The following ST6GALNAC3 variants were observed in gnomAD, a reference collection of about 807,000 sequenced individuals.
ST6GALNAC3 encodes alpha-N-acetylgalactosaminide alpha-2,6-sialyltransferase 3.
A neutral mutation model predicts 32.7 loss-of-function variants in ST6GALNAC3; 25 were observed. That is an observed-to-expected ratio of 0.76 (90% CI 0.56 to 1.07). The LOEUF (loss-of-function observed/expected upper bound fraction) is 1.07. ST6GALNAC3 is among the 50% of genes least tolerant of loss of function. The probability of loss-of-function intolerance (pLI) is 0.00; values close to 1 mark genes in which losing one functional copy is unlikely to be tolerated. For missense variants in ST6GALNAC3, 355 were observed against 382.4 expected, an observed-to-expected ratio of 0.93 and a Z score of 0.60; for synonymous variants, 129 against 133.1, an observed-to-expected ratio of 0.97 and a Z score of 0.21.
At chr1:76,164,533 G>A (rs937744815) in intron 1 of ST6GALNAC3, among the ~76,000 whole-genome samples, 6 of 152,168 alleles carry the variant, frequency 3.9e-5, no homozygotes, top group South Asian at 4.1e-4. Context: ...TTAAGGGCAT[G>A]TATGTTTGTC....
At chr1:76,134,973 T>A (rs1570127042) in intron 1 of ST6GALNAC3, among the ~76,000 whole-genome samples, 1 of 152,218 alleles carries the variant, frequency 6.6e-6, no homozygotes, top group South Asian at 2.1e-4. Flanking sequence ...TAAAACCCTA[T>A]CTCTACTAAA....
intron 1 of ST6GALNAC3, among the ~76,000 whole-genome samples, chr1:76,180,657 A>T (rs919109180): frequency 3.9e-5 from 6 of 152,186 alleles, no homozygotes; most frequent in Non-Finnish European, 5.9e-5. Context: ...AAATGGCAGA[A>T]TGTTGCAGCA....
At chr1:76,177,067 G>C (rs996805872) in intron 1 of ST6GALNAC3, among the ~76,000 whole-genome samples, 10 of 152,068 alleles carry the variant, frequency 6.6e-5, no homozygotes, top group African/African-American at 2.4e-4. Flanking sequence ...AGAGTAAGAC[G>C]TTGTCTATTA....
chr1:76,091,480 A>G (rs909521385), intron 1 of ST6GALNAC3, among the ~76,000 whole-genome samples: 10 of 152,212 alleles, frequency 6.6e-5, no homozygotes, highest in African/African-American at 2.4e-4. Context: ...ATGTGGCTCC[A>G]TATTTTTGCC....
At chr1:76,141,700 A>G (rs1450538571) in intron 1 of ST6GALNAC3, among the ~76,000 whole-genome samples, 2 of 152,228 alleles carry the variant, frequency 1.3e-5, no homozygotes, top group Non-Finnish European at 2.9e-5. Context: ...GGGAAATAAC[A>G]CATACATCCC....
chr1:76,415,570 C>T (rs1211850351), intron 3 of ST6GALNAC3, among the ~76,000 whole-genome samples: 1 of 151,912 alleles, frequency 6.6e-6, no homozygotes, highest in Non-Finnish European at 1.5e-5. Context: ...TCAGATTGCC[C>T]TATTTTGGCC....
chr1:76,479,925 TA>T (rs1209527112), intron 3 of ST6GALNAC3, among the ~76,000 whole-genome samples: 1 of 151,926 alleles, frequency 6.6e-6, no homozygotes, highest in Non-Finnish European at 1.5e-5. Context: ...AACAAAAAAA[TA>T]AAAAGCAAAT....
chr1:76,407,528 T>C (rs1294140234), intron 2 of ST6GALNAC3, among the ~76,000 whole-genome samples: 1 of 152,052 alleles, frequency 6.6e-6, no homozygotes, highest in Non-Finnish European at 1.5e-5. Context: ...AACAAGGACA[T>C]AGGGACCCAG....
chr1:76,106,463 C>T (rs370314527), intron 1 of ST6GALNAC3, among the ~76,000 whole-genome samples: 6 of 152,146 alleles, frequency 3.9e-5, no homozygotes, highest in African/African-American at 1.4e-4. Context: ...ACTTTGAGCT[C>T]GCTGAGGCAG....
chr1:76,077,429 ATGT>A (rs1646832207), intron 1 of ST6GALNAC3, among the ~76,000 whole-genome samples: 1 of 152,212 alleles, frequency 6.6e-6, no homozygotes, highest in Non-Finnish European at 1.5e-5. Context: ...ATTTTATTTG[ATGT>A]TAATGTTTTT....
chr1:76,473,123 G>T (rs1659140795), intron 3 of ST6GALNAC3, among the ~76,000 whole-genome samples: 1 of 152,082 alleles, frequency 6.6e-6, no homozygotes, highest in African/African-American at 2.4e-5. Flanking sequence ...GTAGAGAGTT[G>T]AAAGGATTGA....
At chr1:76,501,272 C>T (rs1351032889) in intron 3 of ST6GALNAC3, among the ~76,000 whole-genome samples, 2 of 152,192 alleles carry the variant, frequency 1.3e-5, no homozygotes, top group African/African-American at 4.8e-5. Flanking sequence ...CAGCCCCTTT[C>T]CTGTCCATTC....
intron 1 of ST6GALNAC3, among the ~76,000 whole-genome samples, chr1:76,110,065 A>G (rs1262463630): frequency 6.6e-6 from 1 of 152,228 alleles, no homozygotes; most frequent in Non-Finnish European, 1.5e-5. Context: ...CTGGATGGAA[A>G]CCAGCAGGAC....
chr1:76,629,910 A>G lies in ST6GALNAC3; in HGVS notation c.*1104A>G. The G allele has an allele frequency of 1.0e-6, 1 of 985,116 alleles. No homozygotes were observed. Among genetic ancestry groups the G allele is most frequent in the Non-Finnish European group, 1.2e-6 (1 of 829,764 alleles). The allele number at this position is 985,116 out of a possible 1,614,324, so 61.0% of individuals were successfully genotyped here. A position where few individuals can be genotyped will look rare whatever the true frequency, so the allele number is the denominator to read the frequency against. On this transcript the variant is annotated 3_prime_UTR_variant, in exon 5 of 5. Transcript: ENST00000328299. ...GGAGAGGAAATGATTCCTTATATTAAACCTGACCAGAGCTTTTTGCCTTCT... is the reference window on the plus strand; with the variant it reads ...GGAGAGGAAATGATTCCTTATATTAGACCTGACCAGAGCTTTTTGCCTTCT...
intron 1 of ST6GALNAC3, among the ~76,000 whole-genome samples, chr1:76,277,048 C>T (rs1659171617): frequency 6.6e-6 from 1 of 152,060 alleles, no homozygotes; most frequent in African/African-American, 2.4e-5. Context: ...GTATGTTCTG[C>T]TTACTAATCC....
Position 76,179,523 on chromosome 1 carries a change from G to A in ST6GALNAC3, c.18+104639G>A, listed in dbSNP as rs75152737. ...CTACCAGTTTCTGCCCTTGTTCCTT[G>A]AGTCTTTTCCTAACATAGTCATGTA... On this transcript the variant is annotated intron_variant, in intron 1 of 4. Coordinates refer to ENST00000328299, the MANE Select transcript of ST6GALNAC3 (RefSeq NM_152996.4). Among the ~76,000 whole-genome samples, 457 of 152,248 alleles carry A rather than the reference G, an allele frequency of 3.0e-3. 1 individual carries two copies. Among genetic ancestry groups the A allele is most frequent in the African/African-American group, 0.01 (433 of 41,526 alleles).
At chr1:76,602,151 A>G (rs1647264073) in intron 3 of ST6GALNAC3, among the ~76,000 whole-genome samples, 1 of 152,198 alleles carries the variant, frequency 6.6e-6, no homozygotes, top group African/African-American at 2.4e-5. Flanking sequence ...AGGCCTAACT[A>G]CAGACAGCTT....
At chr1:76,557,857 A>G (rs1417195138) in intron 3 of ST6GALNAC3, among the ~76,000 whole-genome samples, 1 of 152,148 alleles carries the variant, frequency 6.6e-6, no homozygotes, top group Non-Finnish European at 1.5e-5. Context: ...GAATGTGTGG[A>G]GTCATTCCAG....
At chr1:76,254,978 A>G (rs932382146) in intron 1 of ST6GALNAC3, among the ~76,000 whole-genome samples, 6 of 151,650 alleles carry the variant, frequency 4.0e-5, no homozygotes, top group Non-Finnish European at 8.8e-5. Context: ...AGGCTTCCTT[A>G]TCATCCTGGT....
Sources: gnomAD v4.1 joint callset for allele counts (sites outside exome capture counted in the v4.1 genomes callset) on GRCh38, gnomAD v4.1.1 for gene constraint, MANE v1.5 for transcripts, NCBI Gene and HGNC (gene_info 2026-07-23, HGNC 2026-07-21) for gene names.